NECTIN1: variants seen among roughly 807,000 people sequenced by gnomAD.
The protein encoded by NECTIN1 is nectin-1.
NECTIN1 carries 23 observed loss-of-function variants against 48.0 expected under a neutral mutation model. That is an observed-to-expected ratio of 0.48 (90% CI 0.34 to 0.68). The LOEUF (loss-of-function observed/expected upper bound fraction) is 0.68, where lower values mean the gene tolerates loss of function less well. NECTIN1 is among the 30% of genes least tolerant of loss of function. NECTIN1 has a pLI of 0.01. For synonymous variants in NECTIN1, 270 were observed against 288.9 expected, an observed-to-expected ratio of 0.93 and a Z score of 0.66; for missense variants, 591 against 709.9, an observed-to-expected ratio of 0.83 and a Z score of 1.90.
chr11:119,726,943 C>T (rs750720379), intron 1 of NECTIN1, among the ~76,000 whole-genome samples: 1 of 152,156 alleles, frequency 6.6e-6, no homozygotes, highest in Admixed American at 6.5e-5. Context: ...TGTGAGAAGA[C>T]CTCTCACTCT....
chr11:119,693,581 A>AG (rs1353255023), intron 1 of NECTIN1, among the ~76,000 whole-genome samples: 1 of 152,064 alleles, frequency 6.6e-6, no homozygotes, highest in Non-Finnish European at 1.5e-5. Context: ...CATGACCACC[A>AG]TGAAGCCCAG....
At chr11:119,687,658 C>A (rs1865182625) in intron 1 of NECTIN1, among the ~76,000 whole-genome samples, 1 of 152,102 alleles carries the variant, frequency 6.6e-6, no homozygotes, top group Admixed American at 6.5e-5. Flanking sequence ...CGGGGGGCTG[C>A]CGAGAAAGCA....
intron 1 of NECTIN1, among the ~76,000 whole-genome samples, chr11:119,696,819 A>G (rs111335360): frequency 0.037 from 5,576 of 152,290 alleles, 182 homozygotes; most frequent in East Asian, 0.11. Context: ...TGCAGGCGGC[A>G]TAGGGGCGGA....
chr11:119,723,162 T>C (rs1053183917), intron 1 of NECTIN1, among the ~76,000 whole-genome samples: 1 of 132,004 alleles, frequency 7.6e-6, no homozygotes, highest in African/African-American at 3.0e-5. Context: ...GAGGTTGCAG[T>C]GAGCTGAGAT....
chr11:119,640,084 G>C (rs185577694), intron 5 of NECTIN1: 1 of 1,462,106 alleles, frequency 6.8e-7, no homozygotes, highest in African/African-American at 1.4e-5. Flanking sequence ...AGAGATGTGA[G>C]AGAGTCAGAC....
At chr11:119,655,143 T>G (rs1455437577) in intron 5 of NECTIN1, among the ~76,000 whole-genome samples, 1 of 150,576 alleles carries the variant, frequency 6.6e-6, no homozygotes, top group Non-Finnish European at 1.5e-5. Context: ...ACTCCTGACC[T>G]CAGGTGATCC....
intron 1 of NECTIN1, among the ~76,000 whole-genome samples, chr11:119,681,453 A>G (rs1264597855): frequency 2.6e-5 from 4 of 152,170 alleles, no homozygotes; most frequent in Non-Finnish European, 5.9e-5. Context: ...GTCTCCTCTC[A>G]TCCCCTGAAG....
chr11:119,652,694 C>T (rs142397682), intron 5 of NECTIN1, among the ~76,000 whole-genome samples: 4 of 152,088 alleles, frequency 2.6e-5, no homozygotes, highest in Non-Finnish European at 4.4e-5. Flanking sequence ...CAAGAGTGGG[C>T]GAGAAGCAGA....
intron 1 of NECTIN1, among the ~76,000 whole-genome samples, chr11:119,723,333 A>G (rs1406182590): frequency 6.6e-6 from 1 of 152,022 alleles, no homozygotes; most frequent in Non-Finnish European, 1.5e-5. Context: ...GTGGGCCCCA[A>G]TTTGCAATCT....
chr11:119,646,314 G>A (rs1302994462), intron 5 of NECTIN1, among the ~76,000 whole-genome samples: 2 of 152,222 alleles, frequency 1.3e-5, no homozygotes, highest in Non-Finnish European at 2.9e-5. Context: ...TGGAGCTGAT[G>A]TAAAGTGCTT....
chr11:119,664,718 G>A lies in NECTIN1; in HGVS notation c.*29C>T, dbSNP rs766748042. The A allele has an allele frequency of 5.1e-6, 8 of 1,576,112 alleles. No individual in the cohort carries two copies. The highest frequency in any genetic ancestry group is 1.8e-5 in the Admixed American group (1 of 56,778). ...GTGCGGGGAGGGGCTGGGGAGGAGC[G>A]GTCACAGACAGAGGCTCTGGAAGGG... On this transcript the variant is annotated 3_prime_UTR_variant, in exon 6 of 6. Transcript: ENST00000264025.
chr11:119,705,662 G>A (rs1013455230), intron 1 of NECTIN1, among the ~76,000 whole-genome samples: 2 of 152,234 alleles, frequency 1.3e-5, no homozygotes, highest in Admixed American at 6.5e-5. Flanking sequence ...TGGAGGCCAC[G>A]AGCAGAGGGA....
intron 5 of NECTIN1, among the ~76,000 whole-genome samples, chr11:119,666,611 T>A (rs887579673): frequency 6.6e-6 from 1 of 152,240 alleles, no homozygotes; most frequent in African/African-American, 2.4e-5. Flanking sequence ...GCCACTAGGC[T>A]GCGGGTCTAG....
intron 1 of NECTIN1, among the ~76,000 whole-genome samples, chr11:119,693,004 C>T (rs1209450258): frequency 6.6e-6 from 1 of 152,210 alleles, no homozygotes; most frequent in Non-Finnish European, 1.5e-5. Context: ...CATCCTCCCA[C>T]CCCTGCCACT....
intron 6 of NECTIN1, chr11:119,639,563 G>T (rs1021520866): frequency 8.3e-6 from 4 of 482,368 alleles, no homozygotes; most frequent in Admixed American, 3.4e-5. Context: ...ACCTCTCTGT[G>T]CCTCAGTTTC....
rs765359773 is a variant in NECTIN1 at position 119,678,514 on chromosome 11, G to C, written c.331C>G (p.Leu111Val). 3.1e-6 allele frequency: 5 copies of C among 1,614,134 alleles called. No homozygotes were observed. The highest frequency in any genetic ancestry group is 1.3e-5 in the African/African-American group (1 of 74,956). The change falls in exon 2 of 6, where the codon CTC becomes GTC. Residue 111 changes from leucine (L) to valine (V), a missense_variant. Coordinates refer to ENST00000264025, the MANE Select transcript of NECTIN1 (RefSeq NM_002855.5). The surrounding 1 kb of genome is among the most constrained non-coding windows in gnomAD (Gnocchi z 4.4). ...RPSFTDGTIRLSRLELEDEGV... is the reference protein window; with the variant it reads ...RPSFTDGTIRVSRLELEDEGV... ...TCATCCTCCAGCTCCAGGCGGGAGAGGCGGATAGTGCCATCGGTGAAGGAG... is the reference window on the plus strand; with the variant it reads ...TCATCCTCCAGCTCCAGGCGGGAGACGCGGATAGTGCCATCGGTGAAGGAG...
chr11:119,638,828 G>C, intron 6 of NECTIN1: 3 of 1,602,882 alleles, frequency 1.9e-6, no homozygotes, highest in Non-Finnish European at 2.6e-6. Flanking sequence ...ATGAGGGTAA[G>C]CTCAGCACAG....
chr11:119,719,525 G>A (rs886548406), intron 1 of NECTIN1, among the ~76,000 whole-genome samples: 1 of 152,158 alleles, frequency 6.6e-6, no homozygotes, highest in Non-Finnish European at 1.5e-5. Flanking sequence ...ATAAAACTGG[G>A]GAGAACAGAA....
Position 119,677,856 on chromosome 11 carries a change from G to A in NECTIN1, c.432C>T (p.Ala144=). The stretch of plus-strand genomic sequence containing the variant: ...TACCCTCTATCCAATTGGTGGGTTT[G>A]GCTGCGAGGAAGCAGAGAGAGTGAT... ...RESQLNLTVM[A]KPTNWIEGTQ... The change falls in exon 3 of 6, where the codon GCC becomes GCT. Residue 144 remains alanine, a splice_region_variant and synonymous_variant. Transcript: ENST00000264025. The surrounding 1 kb of genome is among the most constrained non-coding windows in gnomAD (Gnocchi z 5.4). The A allele has an allele frequency of 6.2e-7, 1 of 1,613,908 alleles. No individual in the cohort carries two copies. The highest frequency in any genetic ancestry group is 2.2e-5 in the East Asian group (1 of 44,878).
Sources: allele counts gnomAD v4.1 joint callset (sites outside exome capture counted in the v4.1 genomes callset), GRCh38; gene constraint gnomAD v4.1.1; non-coding constraint Gnocchi (gnomAD v3.1); transcripts MANE v1.5; gene names NCBI Gene and HGNC (gene_info 2026-07-23, HGNC 2026-07-21).